Variants in SLC25A21 observed in about 807,000 individuals in gnomAD.
SLC25A21 encodes solute carrier family 25 member 21.
SLC25A21 carries 47 observed loss-of-function variants against 43.8 expected under a neutral mutation model. The observed-to-expected ratio is 1.07, with a 90% CI of 0.85 to 1.37. The LOEUF (loss-of-function observed/expected upper bound fraction) is 1.37. Among genes scored for constraint, SLC25A21 ranks in the 40% most tolerant of loss-of-function variants. SLC25A21 has a pLI of 0.00. For missense variants in SLC25A21, 352 were observed against 350.2 expected (o/e 1.00, Z -0.04); for synonymous variants, 131 against 121.3 (o/e 1.08, Z -0.52).
Position 37,033,402 on chromosome 14 carries a change from C to T in SLC25A21, c.70+138879G>A, listed in dbSNP as rs764903638. 3.9e-5 allele frequency among the ~76,000 whole-genome samples: 6 copies of T among 152,180 alleles called. 1 individual carries two copies. The highest frequency in any genetic ancestry group is 8.8e-5 in the Non-Finnish European group (6 of 68,038). On this transcript the variant is annotated intron_variant, in intron 1 of 9. Coordinates refer to ENST00000331299, the MANE Select transcript of SLC25A21 (RefSeq NM_030631.4). Reference sequence around the variant, plus strand: ...TGGGTTACTTTCACCTGAAAATCTTCATCATAACATAATATTTTTGGAGGA... The same window carrying T: ...TGGGTTACTTTCACCTGAAAATCTTTATCATAACATAATATTTTTGGAGGA...
chr14:36,809,312 G>A (rs144867215), intron 3 of SLC25A21, among the ~76,000 whole-genome samples: 44 of 152,198 alleles, frequency 2.9e-4, no homozygotes, highest in African/African-American at 1.0e-3. Context: ...TTTTCTATGA[G>A]TTCTCTCTTC....
intron 1 of SLC25A21, among the ~76,000 whole-genome samples, chr14:37,165,747 G>A (rs1425498824): frequency 6.6e-6 from 1 of 152,160 alleles, no homozygotes; most frequent in African/African-American, 2.4e-5. Context: ...AAATCCCTGT[G>A]AGAGTCTGGG....
At chr14:36,904,230 G>T (rs1275823995) in intron 1 of SLC25A21, among the ~76,000 whole-genome samples, 3 of 152,206 alleles carry the variant, frequency 2.0e-5, no homozygotes, top group Non-Finnish European at 4.4e-5. Context: ...TAAGTCAATA[G>T]ATATGGAGAA....
chr14:36,878,835 C>T (rs924596231), intron 1 of SLC25A21, among the ~76,000 whole-genome samples: 42 of 152,184 alleles, frequency 2.8e-4, no homozygotes, highest in Non-Finnish European at 3.8e-4. Flanking sequence ...CTTTTACCAA[C>T]CTGGCATTTA....
rs565639162 is a variant in SLC25A21, at chr14:36,890,665, T to A, written c.71-15661A>T. On this transcript the variant is annotated intron_variant, in intron 1 of 9. Transcript: ENST00000331299. ...AACATCCATGAAGTAAATGAAAATG[T>A]CAAATAAATAAAAGTTTGAATTTAT... Among the ~76,000 whole-genome samples the A allele has an allele frequency of 3.9e-5, 6 of 152,294 alleles. No individual in the cohort carries two copies. In the East Asian group the frequency reaches 1.2e-3, roughly 29 times the overall value.
At chr14:37,144,522 G>A (rs550714170) in intron 1 of SLC25A21, among the ~76,000 whole-genome samples, 1 of 152,278 alleles carries the variant, frequency 6.6e-6, no homozygotes, top group East Asian at 1.9e-4. Flanking sequence ...GAAGTCTCCA[G>A]AAGCAAAGTA....
At chr14:37,158,318 C>CATAA (rs1466259061) in intron 1 of SLC25A21, among the ~76,000 whole-genome samples, 3 of 152,018 alleles carry the variant, frequency 2.0e-5, no homozygotes, top group Non-Finnish European at 4.4e-5. Flanking sequence ...TGAACATAGA[C>CATAA]ATAAAAATCC....
intron 2 of SLC25A21, among the ~76,000 whole-genome samples, chr14:36,874,607 C>T (rs712383): frequency 0.86 from 130,768 of 152,210 alleles, 56,862 homozygotes; most frequent in Non-Finnish European, 0.93. Context: ...AAATAGAGAT[C>T]TGTTAGGCAA....
intron 1 of SLC25A21, among the ~76,000 whole-genome samples, chr14:37,171,630 G>A (rs1183507667): frequency 6.6e-6 from 1 of 152,000 alleles, no homozygotes; most frequent in Non-Finnish European, 1.5e-5. Flanking sequence ...ACTTTCTCCA[G>A]CTACATTTAA....
intron 3 of SLC25A21, among the ~76,000 whole-genome samples, chr14:36,767,393 GC>G (rs1886455191): frequency 6.6e-6 from 1 of 152,220 alleles, no homozygotes; most frequent in Admixed American, 6.5e-5. Flanking sequence ...CAGGATGGCT[GC>G]ATGTGCACCA....
intron 1 of SLC25A21, among the ~76,000 whole-genome samples, chr14:36,927,324 T>C (rs1025479599): frequency 3.9e-5 from 6 of 152,192 alleles, no homozygotes; most frequent in Non-Finnish European, 7.4e-5. Flanking sequence ...TAAAACCGTA[T>C]TTTAGACATA....
intron 3 of SLC25A21, among the ~76,000 whole-genome samples, chr14:36,779,231 A>G (rs922839048): frequency 1.2e-4 from 17 of 146,668 alleles, no homozygotes; most frequent in African/African-American, 4.2e-4. Context: ...ATTCTTATAT[A>G]TAAGATATAG....
In SLC25A21 at chr14:36,818,337, G is replaced by A. The variant is rs765180812; in HGVS notation, c.120-4336C>T. Among the ~76,000 whole-genome samples, 2 of 152,216 alleles carry A rather than the reference G, an allele frequency of 1.3e-5. 1 individual carries two copies. Among genetic ancestry groups the A allele is most frequent in the Non-Finnish European group, 2.9e-5 (2 of 68,038 alleles). ...AAAGGGCAGTCCATGAAATCCTTGA[G>A]GAGTGCTTCACTTAGGAGCTGACTG... On this transcript the variant is annotated intron_variant, in intron 2 of 9. Coordinates refer to ENST00000331299, the MANE Select transcript of SLC25A21 (RefSeq NM_030631.4).
At chr14:36,797,989 C>A (rs923575706) in intron 3 of SLC25A21, among the ~76,000 whole-genome samples, 1 of 152,102 alleles carries the variant, frequency 6.6e-6, no homozygotes, top group Non-Finnish European at 1.5e-5. Context: ...TTAAAACAAA[C>A]ACACAGAAAA....
chr14:37,112,420 A>C (rs1318177547), intron 1 of SLC25A21, among the ~76,000 whole-genome samples: 1 of 152,220 alleles, frequency 6.6e-6, no homozygotes, highest in Admixed American at 6.5e-5. Flanking sequence ...AAGTAACAAA[A>C]ATCAGAAATT....
At chr14:36,984,100 A>G (rs1410393010) in intron 1 of SLC25A21, among the ~76,000 whole-genome samples, 1 of 152,208 alleles carries the variant, frequency 6.6e-6, no homozygotes, top group Non-Finnish European at 1.5e-5. Context: ...TATCCATGTA[A>G]TAAACCTGCA....
chr14:36,892,485 T>C (rs1326365877), intron 1 of SLC25A21, among the ~76,000 whole-genome samples: 2 of 152,056 alleles, frequency 1.3e-5, no homozygotes, highest in Non-Finnish European at 2.9e-5. Flanking sequence ...ACATGGATGG[T>C]CTTAGAAGAC....
At chr14:36,893,307 G>A (rs1043371426) in intron 1 of SLC25A21, among the ~76,000 whole-genome samples, 3 of 152,188 alleles carry the variant, frequency 2.0e-5, no homozygotes, top group Non-Finnish European at 2.9e-5. Context: ...CAGTGATGGT[G>A]AGCATTTTTT....
chr14:37,040,435 GAAAGAAAA>G (rs1961445623), intron 1 of SLC25A21, among the ~76,000 whole-genome samples: 2 of 100,814 alleles, frequency 2.0e-5, no homozygotes, highest in East Asian at 2.5e-4. Context: ...AAGAAAGAAA[GAAAGAAAA>G]GAAAAATTAG....
Sources: allele counts gnomAD v4.1 joint callset (sites outside exome capture counted in the v4.1 genomes callset), GRCh38; gene constraint gnomAD v4.1.1; transcripts MANE v1.5; gene names NCBI Gene and HGNC (gene_info 2026-07-23, HGNC 2026-07-21).